The following P2RY6 variants were observed in gnomAD, a reference collection of about 807,000 sequenced individuals.
The protein encoded by P2RY6 is pyrimidinergic receptor P2Y6.
A neutral mutation model predicts 16.3 loss-of-function variants in P2RY6; 19 were observed. The observed-to-expected ratio is 1.16, with a 90% CI of 0.81 to 1.71. The LOEUF (loss-of-function observed/expected upper bound fraction) is 1.71. Among genes scored for constraint, P2RY6 ranks in the 40% most tolerant of loss-of-function variants. P2RY6 has a pLI of 0.00. For missense variants in P2RY6, 389 were observed against 455.5 expected (o/e 0.85, Z 1.33); for synonymous variants, 184 against 201.5 (o/e 0.91, Z 0.74).
In P2RY6 at chr11:73,295,813, CTGG is replaced by C. The variant is rs1170418291; in HGVS notation, c.-35+1_-35+3del. On this transcript the variant is annotated splice_donor_variant and 5_prime_UTR_variant, in exon 2 of 3. Coordinates refer to ENST00000540124, the MANE Select transcript of P2RY6 (RefSeq NM_001277204.2). LOFTEE classifies it low-confidence loss of function (5UTR_SPLICE). ...GATGGGTGCGGTCCTCAGTGAGCCCCTGGTGTGTGGACCCTTCGCATTGGTTAA... is the reference window on the plus strand; with the variant it reads ...GATGGGTGCGGTCCTCAGTGAGCCCCTGTGTGGACCCTTCGCATTGGTTAA... 3 of 982,714 alleles carry C rather than the reference CTGG, an allele frequency of 3.1e-6. No individual in the cohort carries two copies. Among genetic ancestry groups the C allele is most frequent in the African/African-American group, 1.7e-5 (1 of 57,180 alleles). The allele number at this position is 982,714 out of a possible 1,614,324, so 60.9% of individuals were successfully genotyped here. A position where few individuals can be genotyped will look rare whatever the true frequency, so the allele number is the denominator to read the frequency against.
chr11:73,295,267 CA>C (rs1203260251), intron 1 of P2RY6, among the ~76,000 whole-genome samples: 1 of 152,204 alleles, frequency 6.6e-6, no homozygotes, highest in Non-Finnish European at 1.5e-5. Context: ...ATGTAGAATG[CA>C]ATGGCATGGC....
chr11:73,278,872 G>A (rs955921458), intron 1 of P2RY6, among the ~76,000 whole-genome samples: 1 of 151,994 alleles, frequency 6.6e-6, no homozygotes, highest in Non-Finnish European at 1.5e-5. Flanking sequence ...CAGTTCTTTT[G>A]GTTGGAATTC....
At chr11:73,268,345 CAG>C (rs1456701056), upstream of P2RY6, among the ~76,000 whole-genome samples, 1 of 152,190 alleles carries the variant, frequency 6.6e-6, no homozygotes, top group Non-Finnish European at 1.5e-5. Flanking sequence ...TAGCCCTGGC[CAG>C]ACATGGTGGC....
At chr11:73,265,398 A>G (rs1863068767) in intron 1 of P2RY6, 1 of 152,190 alleles carries the variant, frequency 6.6e-6, no homozygotes, top group Non-Finnish European at 1.5e-5. Context: ...ATTCTTCTAT[A>G]ATATTTCTGC....
At chr11:73,293,423 A>G (rs984854578) in intron 1 of P2RY6, among the ~76,000 whole-genome samples, 1 of 152,136 alleles carries the variant, frequency 6.6e-6, no homozygotes, top group African/African-American at 2.4e-5. Flanking sequence ...ATGTAGTCAG[A>G]GCCACTTGTT....
chr11:73,288,610 A>T (rs926240849), intron 1 of P2RY6, among the ~76,000 whole-genome samples: 4 of 152,168 alleles, frequency 2.6e-5, no homozygotes, highest in Non-Finnish European at 5.9e-5. Context: ...GGCTTTAGGA[A>T]TCTGGCCTCA....
chr11:73,279,444 G>A (rs1212828746), intron 1 of P2RY6, among the ~76,000 whole-genome samples: 1 of 152,094 alleles, frequency 6.6e-6, no homozygotes, highest in Non-Finnish European at 1.5e-5. Context: ...GGTGGTTAGG[G>A]ATATTTTGGT....
intron 1 of P2RY6, among the ~76,000 whole-genome samples, chr11:73,294,463 G>A (rs999954490): frequency 6.6e-6 from 1 of 152,230 alleles, no homozygotes; most frequent in African/African-American, 2.4e-5. Flanking sequence ...GACATTCTCT[G>A]CCTGTGCTAA....
chr11:73,289,489 G>A (rs1269643061), intron 1 of P2RY6: 1 of 152,376 alleles, frequency 6.6e-6, no homozygotes, highest in Non-Finnish European at 1.5e-5. Flanking sequence ...TGAGTGGAAG[G>A]AAGGTTGGAG....
At chr11:73,294,754 T>C (rs190639323) in intron 1 of P2RY6, among the ~76,000 whole-genome samples, 1 of 152,366 alleles carries the variant, frequency 6.6e-6, no homozygotes, top group Non-Finnish European at 1.5e-5. Context: ...AAAAATCCCA[T>C]AACCTTACTT....
At chr11:73,277,542 A>C (rs1863588901) in intron 1 of P2RY6, among the ~76,000 whole-genome samples, 1 of 152,258 alleles carries the variant, frequency 6.6e-6, no homozygotes, top group Admixed American at 6.5e-5. Context: ...ACTTCTGGTT[A>C]AAGATAAAGA....
At chr11:73,266,740 T>C (rs537772717) in intron 1 of P2RY6, among the ~76,000 whole-genome samples, 6 of 152,264 alleles carry the variant, frequency 3.9e-5, no homozygotes, top group Non-Finnish European at 7.4e-5. Flanking sequence ...GGAACCTAAA[T>C]ATATCTCATG....
chr11:73,280,118 C>T (rs781635213), intron 1 of P2RY6, among the ~76,000 whole-genome samples: 2 of 152,154 alleles, frequency 1.3e-5, no homozygotes, highest in East Asian at 3.9e-4. Flanking sequence ...GATTTCCCTG[C>T]CACCTGAAAT....
intron 1 of P2RY6, among the ~76,000 whole-genome samples, chr11:73,277,469 C>T (rs1208921340): frequency 6.6e-6 from 1 of 152,192 alleles, no homozygotes; most frequent in East Asian, 1.9e-4. Flanking sequence ...TGTAATTTGA[C>T]CACATTTCCA....
intron 1 of P2RY6, among the ~76,000 whole-genome samples, chr11:73,293,974 G>A (rs553373730): frequency 3.9e-5 from 6 of 152,228 alleles, no homozygotes; most frequent in Non-Finnish European, 7.4e-5. Context: ...CCTGTGTGAG[G>A]AGAGGGGTCA....
chr11:73,274,388 T>G (rs183605047), intron 1 of P2RY6, among the ~76,000 whole-genome samples: 1 of 152,224 alleles, frequency 6.6e-6, no homozygotes, highest in African/African-American at 2.4e-5. Flanking sequence ...TGTCATTGAC[T>G]GAGCAACTAC....
intron 1 of P2RY6, among the ~76,000 whole-genome samples, chr11:73,277,959 C>T (rs1438767803): frequency 1.3e-5 from 2 of 151,256 alleles, no homozygotes; most frequent in Non-Finnish European, 2.9e-5. Context: ...AGTAGATGTG[C>T]TGGTCAAGGC....
At chr11:73,286,778 C>T (rs904717851) in intron 1 of P2RY6, among the ~76,000 whole-genome samples, 1 of 152,114 alleles carries the variant, frequency 6.6e-6, no homozygotes, top group Non-Finnish European at 1.5e-5. Flanking sequence ...TCTGACACCG[C>T]CCCTTCGACT....
intron 1 of P2RY6, among the ~76,000 whole-genome samples, chr11:73,274,749 G>T (rs1863463506): frequency 6.6e-6 from 1 of 152,236 alleles, no homozygotes; most frequent in African/African-American, 2.4e-5. Flanking sequence ...GTTAGAGTGA[G>T]TCGGCAGAAC....
Sources: gnomAD v4.1 joint callset for allele counts (sites outside exome capture counted in the v4.1 genomes callset) on GRCh38, gnomAD v4.1.1 for gene constraint, MANE v1.5 for transcripts, NCBI Gene and HGNC (gene_info 2026-07-23, HGNC 2026-07-21) for gene names.